C10orf90: variants seen among roughly 807,000 people sequenced by gnomAD.
The protein encoded by C10orf90 is chromosome 10 open reading frame 90, also known as (E2-independent) E3 ubiquitin-conjugating enzyme FATS.
C10orf90 carries 56 observed loss-of-function variants against 62.5 expected under a neutral mutation model. The ratio of observed to expected loss-of-function variants is 0.90; its 90% CI spans 0.72 to 1.12. The LOEUF (loss-of-function observed/expected upper bound fraction) is 1.12, where lower values mean the gene tolerates loss of function less well. Among genes scored for constraint, C10orf90 ranks in the 50% most tolerant of loss-of-function variants. C10orf90 has a pLI of 0.00. For synonymous variants in C10orf90, 386 were observed against 340.4 expected (o/e 1.13, Z -1.47); for missense variants, 970 against 880.4 (o/e 1.10, Z -1.29).
At chr10:126,609,232 G>A (rs548210686) in intron 2 of C10orf90, among the ~76,000 whole-genome samples, 13 of 152,206 alleles carry the variant, frequency 8.5e-5, no homozygotes, top group South Asian at 4.2e-4. Flanking sequence ...ATGAAACCCC[G>A]TCTCTGTTAA....
chr10:126,524,873 A>G, intron 2 of C10orf90: 1 of 967,910 alleles, frequency 1.0e-6, no homozygotes, highest in Non-Finnish European at 1.2e-6. Flanking sequence ...GGAAAACGCC[A>G]TTATTTCCAT....
intron 2 of C10orf90, among the ~76,000 whole-genome samples, chr10:126,542,030 C>A (rs1864387589): frequency 6.6e-6 from 1 of 152,090 alleles, no homozygotes; most frequent in African/African-American, 2.4e-5. Flanking sequence ...CATGGGTGAA[C>A]CTTGAAAACA....
At chr10:126,552,669 C>T (rs1591091303) in intron 2 of C10orf90, among the ~76,000 whole-genome samples, 1 of 152,228 alleles carries the variant, frequency 6.6e-6, no homozygotes, top group South Asian at 2.1e-4. Flanking sequence ...CGCTTTGCCA[C>T]GTGATTTACC....
In C10orf90 at chr10:126,504,516, G is replaced by A. The variant is rs938927737; in HGVS notation, c.975C>T (p.Asp325=). ...CTGGAGAAAAACTGGTCTCTTTGTC[G>A]TCTGCATGGGTGACCCAGTACTTGC... ...ERRKYWVTHA[D]DKETSFSPDT... is the part of the protein sequence containing the mutation. Residue 325 remains aspartate (D), a synonymous_variant, in exon 4 of 10, where the codon GAC becomes GAT. Transcript: ENST00000488181. The surrounding 1 kb of genome is among the most constrained non-coding windows in gnomAD (Gnocchi z 4.1). The A allele has an allele frequency of 5.6e-6, 9 of 1,614,082 alleles. No homozygotes were observed. In the Admixed American group the frequency reaches 6.7e-5, roughly 12 times the overall value.
intron 2 of C10orf90, among the ~76,000 whole-genome samples, chr10:126,581,501 G>A (rs1013661130): frequency 3.4e-5 from 5 of 145,552 alleles, no homozygotes; most frequent in Non-Finnish European, 7.5e-5. Context: ...CAGGTACTCC[G>A]CAAGTCCTCC....
chr10:126,633,598 C>A (rs1038374317), intron 2 of C10orf90, among the ~76,000 whole-genome samples: 3 of 152,178 alleles, frequency 2.0e-5, no homozygotes, highest in Non-Finnish European at 4.4e-5. Context: ...GCATGGAGAC[C>A]AACTGTGCAT....
At chr10:126,598,578 T>TTACACA (rs1251848879) in intron 2 of C10orf90, among the ~76,000 whole-genome samples, 1 of 152,186 alleles carries the variant, frequency 6.6e-6, no homozygotes, top group Non-Finnish European at 1.5e-5. Flanking sequence ...TCTTCAGCTC[T>TTACACA]TACACATTTT....
At chr10:126,645,740 T>C (rs1288300118) in intron 2 of C10orf90, among the ~76,000 whole-genome samples, 1 of 152,194 alleles carries the variant, frequency 6.6e-6, no homozygotes, top group Non-Finnish European at 1.5e-5. Context: ...ATCTTTGCTA[T>C]AGGCAGGTGG....
chr10:126,576,744 A>ATG (rs1048523076), intron 2 of C10orf90, among the ~76,000 whole-genome samples: 2 of 73,478 alleles, frequency 2.7e-5, no homozygotes, highest in African/African-American at 5.8e-5. Flanking sequence ...GTATATGTAT[A>ATG]TATACATATA....
chr10:126,453,595 G>A lies in C10orf90; in HGVS notation c.2188+5445C>T, dbSNP rs1016006640. 1.3e-5 allele frequency among the ~76,000 whole-genome samples: 2 copies of A among 152,166 alleles called. No homozygotes were observed. Among genetic ancestry groups the A allele is most frequent in the African/African-American group, 2.4e-5 (1 of 41,446 alleles). ...CAGGCGTCCTCAGAGGGGGAAATGA[G>A]CTGAGAACAGAAGGGGGCAACGTGG... On this transcript the variant is annotated intron_variant, in intron 7 of 9. Transcript: ENST00000488181. This position sits in a 1 kb window ranked among gnomAD's most constrained non-coding sequence, Gnocchi z 4.9.
In C10orf90 at chr10:126,532,860, G is replaced by GAA. The variant is rs1864138275; in HGVS notation, c.314-18922_314-18921insTT. On this transcript the variant is annotated intron_variant, in intron 2 of 9. Transcript: ENST00000488181. ...TACGTCTCAAAAAAAAAAAAAAATA[G>GAA]TGAGCACAAAACAAGTGTTTTCAAA... Among the ~76,000 whole-genome samples the GAA allele has an allele frequency of 3.5e-4, 7 of 19,964 alleles. 3 individuals are homozygous for GAA. The highest frequency in any genetic ancestry group is 7.6e-4 in the Non-Finnish European group (5 of 6,580). The allele number at this position is 19,964 out of a possible 152,430, so 13.1% of individuals were successfully genotyped here.
chr10:126,627,103 G>T (rs1845761837), intron 2 of C10orf90, among the ~76,000 whole-genome samples: 1 of 148,800 alleles, frequency 6.7e-6, no homozygotes, highest in East Asian at 2.0e-4. Flanking sequence ...GGATTGGAAT[G>T]CTTCTCCTGC....
At chr10:126,636,374 C>T (rs1260792260) in intron 2 of C10orf90, among the ~76,000 whole-genome samples, 1 of 152,054 alleles carries the variant, frequency 6.6e-6, no homozygotes, top group Admixed American at 6.6e-5. Flanking sequence ...GAGAGACTCA[C>T]TGTTGAAAAA....
chr10:126,555,524 A>AC (rs879500020), intron 2 of C10orf90, among the ~76,000 whole-genome samples: 1,392 of 11,058 alleles, frequency 0.13, 25 homozygotes, highest in African/African-American at 0.36. Context: ...AAAAAAAAAC[A>AC]AAAAATTAGC....
chr10:126,425,681 G>C lies in C10orf90; in HGVS notation c.*183C>G, dbSNP rs892724298. The C allele has an allele frequency of 3.2e-6, 2 of 629,294 alleles. No homozygotes were observed. The highest frequency in any genetic ancestry group is 1.8e-5 in the African/African-American group (1 of 54,408). 39.0% of individuals were successfully genotyped at this position (629,294 alleles called of 1,614,324 possible). A position where few individuals can be genotyped will look rare whatever the true frequency, so the allele number is the denominator to read the frequency against. The stretch of plus-strand genomic sequence containing the variant: ...CAGATTGTTGACCTATTTTCTCGAG[G>C]GTTATTGTTTCTGTTTGGCTTGGGT... On this transcript the variant is annotated 3_prime_UTR_variant, in exon 10 of 10. Coordinates refer to ENST00000488181, the MANE Select transcript of C10orf90 (RefSeq NM_001350921.2).
At chr10:126,631,816 C>T (rs564065799) in intron 2 of C10orf90, among the ~76,000 whole-genome samples, 1 of 151,764 alleles carries the variant, frequency 6.6e-6, no homozygotes, top group East Asian at 2.0e-4. Context: ...GGCAGCAGCA[C>T]AGAAAGAACG....
chr10:126,654,083 CAG>C (rs1846344505), intron 1 of C10orf90, among the ~76,000 whole-genome samples: 1 of 152,142 alleles, frequency 6.6e-6, no homozygotes, highest in African/African-American at 2.4e-5. Context: ...AGAGCACAGA[CAG>C]AGTAGATTTA....
chr10:126,659,658 A>C (rs1470120849), intron 1 of C10orf90, among the ~76,000 whole-genome samples: 1 of 152,192 alleles, frequency 6.6e-6, no homozygotes, highest in Non-Finnish European at 1.5e-5. Context: ...TGCTTTTTGG[A>C]ATTGGATTAA....
chr10:126,510,939 C>A (rs1473847254), intron 3 of C10orf90, among the ~76,000 whole-genome samples: 2 of 152,326 alleles, frequency 1.3e-5, no homozygotes, highest in East Asian at 3.9e-4. Flanking sequence ...AAGAATAAGG[C>A]TCTCCTCCCA....
Sources: gnomAD v4.1 joint callset for allele counts (sites outside exome capture counted in the v4.1 genomes callset) on GRCh38, gnomAD v4.1.1 for gene constraint, Gnocchi (gnomAD v3.1) non-coding constraint, MANE v1.5 for transcripts, NCBI Gene and HGNC (gene_info 2026-07-23, HGNC 2026-07-21) for gene names.